IL1RAPL2: variants seen among roughly 807,000 people sequenced by gnomAD.
The protein encoded by IL1RAPL2 is X-linked interleukin-1 receptor accessory protein-like 2.
A neutral mutation model predicts 44.1 loss-of-function variants in IL1RAPL2; 3 were observed. That is an observed-to-expected ratio of 0.07 (90% CI 0.03 to 0.18). IL1RAPL2 has a LOEUF of 0.18. IL1RAPL2 is among the 10% of genes least tolerant of loss of function. The pLI, the probability that IL1RAPL2 is intolerant of heterozygous loss-of-function variation, is 1.00. For synonymous variants in IL1RAPL2, 181 were observed against 178.8 expected (o/e 1.01, Z -0.10); for missense variants, 391 against 496.4 (o/e 0.79, Z 2.02).
chrX:104,879,089 G>A (rs997766907), intron 2 of IL1RAPL2, among the ~76,000 whole-genome samples: 4 of 109,841 alleles, frequency 3.6e-5, no homozygotes, highest in African/African-American at 1.3e-4. Context: ...GGAAAGAATC[G>A]GATTCTTTGT....
chrX:104,789,838 G>T (rs1932816600), intron 2 of IL1RAPL2, among the ~76,000 whole-genome samples: 1 of 112,574 alleles, frequency 8.9e-6, no homozygotes, highest in Non-Finnish European at 1.9e-5. Flanking sequence ...GCCAAGAGGG[G>T]TTGTATTTGC....
chrX:105,050,789 C>T (rs1198836040), intron 2 of IL1RAPL2, among the ~76,000 whole-genome samples: 1 of 112,224 alleles, frequency 8.9e-6, no homozygotes, highest in Admixed American at 9.4e-5. Context: ...GGCAGGCCAT[C>T]CCCTGAGTGT....
chrX:105,650,725 T>C (rs2037637006), intron 6 of IL1RAPL2, among the ~76,000 whole-genome samples: 1 of 111,904 alleles, frequency 8.9e-6, no homozygotes, highest in Admixed American at 9.5e-5. Context: ...TTTGGGTTAC[T>C]GAGGAGAGCT....
Position 105,079,054 on chromosome X carries a change from A to C in IL1RAPL2, c.83-116421A>C, listed in dbSNP as rs756452693. The stretch of plus-strand genomic sequence containing the variant: ...ATCCACTATCCTGCACCCACTGTCC[A>C]GCACTCCCCAGTGAGATGAACGCGG... On this transcript the variant is annotated intron_variant, in intron 2 of 10. Transcript: ENST00000372582. 2.7e-5 allele frequency among the ~76,000 whole-genome samples: 3 copies of C among 112,122 alleles called. No individual in the cohort carries two copies. In the South Asian group the frequency reaches 1.1e-3, roughly 42 times the overall value.
chrX:105,155,473 T>C (rs1383754878), intron 2 of IL1RAPL2, among the ~76,000 whole-genome samples: 1 of 111,103 alleles, frequency 9.0e-6, no homozygotes, highest in Admixed American at 9.6e-5. Context: ...GGACCATTAT[T>C]GTAGGAAAAA....
At chrX:104,685,940 T>A (rs1163929114) in intron 2 of IL1RAPL2, among the ~76,000 whole-genome samples, 15 of 107,020 alleles carry the variant, frequency 1.4e-4, no homozygotes, top group African/African-American at 3.7e-4. Context: ...AATAAATAAA[T>A]AATAAATAAA....
At chrX:105,407,455 T>C (rs1200759229) in intron 5 of IL1RAPL2, among the ~76,000 whole-genome samples, 1 of 111,808 alleles carries the variant, frequency 8.9e-6, no homozygotes, top group Non-Finnish European at 1.9e-5. Context: ...ATTTATTGAA[T>C]ACCTAGATGC....
At chrX:105,000,711 A>C (rs1401777660) in intron 2 of IL1RAPL2, among the ~76,000 whole-genome samples, 2 of 111,997 alleles carry the variant, frequency 1.8e-5, no homozygotes, top group Admixed American at 9.5e-5. Context: ...GGTACTTTTT[A>C]AACATTCTAA....
intron 2 of IL1RAPL2, among the ~76,000 whole-genome samples, chrX:104,923,524 T>C (rs975152348): frequency 9.0e-5 from 10 of 111,494 alleles, no homozygotes; most frequent in African/African-American, 3.3e-4. Flanking sequence ...AAATGAAAAA[T>C]ATGCCAGATA....
intron 3 of IL1RAPL2, among the ~76,000 whole-genome samples, chrX:105,201,160 A>G (rs2033714693): frequency 8.9e-6 from 1 of 111,987 alleles, no homozygotes; most frequent in Non-Finnish European, 1.9e-5. Flanking sequence ...TGAATGCCTC[A>G]CAACATCTTT....
chrX:105,152,340 A>G (rs1166291836), intron 2 of IL1RAPL2, among the ~76,000 whole-genome samples: 3 of 112,026 alleles, frequency 2.7e-5, no homozygotes, highest in South Asian at 7.4e-4. Context: ...AATGTGCTCT[A>G]TGGCCCATAA....
chrX:105,497,405 C>T (rs1431097264), intron 6 of IL1RAPL2, among the ~76,000 whole-genome samples: 1 of 111,195 alleles, frequency 9.0e-6, no homozygotes, highest in Non-Finnish European at 1.9e-5. Context: ...AACCCCCCAA[C>T]AAAGAAGATC....
chrX:104,869,616 T>C (rs950853676), intron 2 of IL1RAPL2, among the ~76,000 whole-genome samples: 4 of 111,988 alleles, frequency 3.6e-5, no homozygotes, highest in African/African-American at 1.3e-4. Flanking sequence ...TGCAGGTTTG[T>C]TACATATGTA....
At chrX:105,605,685 C>T (rs909418602) in intron 6 of IL1RAPL2, among the ~76,000 whole-genome samples, 7 of 111,540 alleles carry the variant, frequency 6.3e-5, no homozygotes, top group African/African-American at 2.3e-4. Context: ...AGTGCACTAC[C>T]TGAATTCAAA....
intron 5 of IL1RAPL2, among the ~76,000 whole-genome samples, chrX:105,374,725 G>T (rs1602382950): frequency 9.1e-6 from 1 of 110,237 alleles, no homozygotes; most frequent in East Asian, 2.9e-4. Flanking sequence ...AAGGCGGGTG[G>T]ATCACGAGGT....
chrX:105,596,509 G>A (rs1325937749), intron 6 of IL1RAPL2, among the ~76,000 whole-genome samples: 1 of 111,387 alleles, frequency 9.0e-6, no homozygotes, highest in Non-Finnish European at 1.9e-5. Flanking sequence ...ATACCACAGT[G>A]GTCAGAAAAG....
intron 2 of IL1RAPL2, among the ~76,000 whole-genome samples, chrX:104,735,575 G>T (rs1204468768): frequency 9.0e-6 from 1 of 111,399 alleles, no homozygotes; most frequent in East Asian, 2.8e-4. Context: ...CTTCTTTAAT[G>T]GGGAAAAAGA....
At chrX:105,261,560 A>T (rs1446979704) in intron 4 of IL1RAPL2, among the ~76,000 whole-genome samples, 2 of 111,150 alleles carry the variant, frequency 1.8e-5, no homozygotes, top group Non-Finnish European at 3.8e-5. Flanking sequence ...CCCAGACATG[A>T]TGTACTGACT....
At chrX:105,031,757 A>C (rs765281325) in intron 2 of IL1RAPL2, among the ~76,000 whole-genome samples, 1 of 111,612 alleles carries the variant, frequency 9.0e-6, no homozygotes, top group African/African-American at 3.3e-5. Context: ...TGCTGACCTC[A>C]TAAAATGAGT....
Sources: gnomAD v4.1 joint callset for allele counts (sites outside exome capture counted in the v4.1 genomes callset) on GRCh38, gnomAD v4.1.1 for gene constraint, MANE v1.5 for transcripts, NCBI Gene and HGNC (gene_info 2026-07-23, HGNC 2026-07-21) for gene names.